Variants in CCDC171 observed in about 807,000 individuals in gnomAD.
CCDC171 encodes coiled-coil domain containing 171.
A neutral mutation model predicts 168.2 loss-of-function variants in CCDC171; 177 were observed. That is an observed-to-expected ratio of 1.05 (90% CI 0.93 to 1.19). The LOEUF (loss-of-function observed/expected upper bound fraction) is 1.19, where lower values mean the gene tolerates loss of function less well. CCDC171 is among the 50% of genes most tolerant of loss of function. CCDC171 has a pLI of 0.00. For missense variants in CCDC171, 1,991 were observed against 1,539.0 expected (o/e 1.29, Z -4.91); for synonymous variants, 687 against 540.8 (o/e 1.27, Z -3.75).
At chr9:16,096,113 G>A in the CCDC171 span, among the ~76,000 whole-genome samples, 19 of 151,994 alleles carry the variant, frequency 1.3e-4, no homozygotes, top group South Asian at 2.7e-3. Context: ...AAATATCAGC[G>A]TGGAATTTAT....
At chr9:15,642,343 G>GTGTGTGTATA (rs1369419679) in intron 7 of CCDC171, among the ~76,000 whole-genome samples, 4 of 107,562 alleles carry the variant, frequency 3.7e-5, no homozygotes, top group Admixed American at 8.4e-5. Flanking sequence ...GTGTGTGTGT[G>GTGTGTGTATA]TATATATATA....
chr9:16,073,238 C>T, the CCDC171 span, among the ~76,000 whole-genome samples: 1 of 152,178 alleles, frequency 6.6e-6, no homozygotes, highest in South Asian at 2.1e-4. Flanking sequence ...ACAGCTTGCA[C>T]AGGAAAGCAT....
intron 3 of CCDC171, among the ~76,000 whole-genome samples, chr9:15,576,506 A>C (rs2040677259): frequency 6.6e-6 from 1 of 152,060 alleles, no homozygotes; most frequent in African/African-American, 2.4e-5. Flanking sequence ...AATTTTAAGT[A>C]ATGTACTTTG....
chr9:15,678,923 G>A (rs574212746), intron 10 of CCDC171, 27 bp downstream of exon 10: 2 of 1,532,594 alleles, frequency 1.3e-6, no homozygotes, highest in South Asian at 1.3e-5. Context: ...AAACCCTATG[G>A]AAATCACTTT....
At chr9:15,952,483 G>T (rs1458731631) in intron 25 of CCDC171, among the ~76,000 whole-genome samples, 1 of 151,910 alleles carries the variant, frequency 6.6e-6, no homozygotes, top group Middle Eastern at 3.2e-3. Flanking sequence ...CTGCAACCTC[G>T]GTCTGCTGGG....
chr9:15,715,444 CAG>C (rs144717963), intron 11 of CCDC171, among the ~76,000 whole-genome samples: 3 of 152,188 alleles, frequency 2.0e-5, no homozygotes, highest in African/African-American at 7.2e-5. Context: ...AAAATGAAAA[CAG>C]AATTTTCTTA....
At chr9:16,005,358 C>A (rs527334242) in intron 3 of CCDC171, among the ~76,000 whole-genome samples, 1 of 152,244 alleles carries the variant, frequency 6.6e-6, no homozygotes, top group African/African-American at 2.4e-5. Context: ...AATAATATTC[C>A]ATTGTATGGA....
chr9:15,921,606 A>G (rs569917952), intron 25 of CCDC171, among the ~76,000 whole-genome samples: 1 of 151,712 alleles, frequency 6.6e-6, no homozygotes, highest in South Asian at 2.1e-4. Context: ...TGCTCAATAA[A>G]TATTTATTGA....
Position 15,592,974 on chromosome 9 carries a change from T to C in CCDC171, c.544-1067T>C, listed in dbSNP as rs2042098512. Among the ~76,000 whole-genome samples, 2 of 152,022 alleles carry C rather than the reference T, an allele frequency of 1.3e-5. 1 individual carries two copies. Among genetic ancestry groups the C allele is most frequent in the Admixed American group, 1.3e-4 (2 of 15,248 alleles). Reference sequence around the variant, plus strand: ...TGCCATGCTGGTGTGCTGCACCCATTAACTTGTCATTTAGCATTAGGTATA... The same window carrying C: ...TGCCATGCTGGTGTGCTGCACCCATCAACTTGTCATTTAGCATTAGGTATA... On this transcript the variant is annotated intron_variant, in intron 5 of 25. Transcript: ENST00000380701.
intron 24 of CCDC171, among the ~76,000 whole-genome samples, chr9:15,892,802 A>G (rs985361930): frequency 9.2e-5 from 14 of 152,204 alleles, no homozygotes; most frequent in Admixed American, 9.2e-4. Flanking sequence ...AAACAAATGG[A>G]AAAATATTCC....
intron 11 of CCDC171, among the ~76,000 whole-genome samples, chr9:15,698,443 C>T (rs966758141): frequency 1.3e-5 from 2 of 150,620 alleles, no homozygotes; most frequent in African/African-American, 4.9e-5. Flanking sequence ...ATGGCATGAA[C>T]CTGGGAGGCG....
chr9:15,802,241 A>C (rs1336101665), intron 21 of CCDC171, among the ~76,000 whole-genome samples: 1 of 151,382 alleles, frequency 6.6e-6, no homozygotes, highest in African/African-American at 2.4e-5. Context: ...TATTTGTAAA[A>C]TTTAATTAAT....
chr9:15,944,005 G>C (rs1828015349), intron 25 of CCDC171, among the ~76,000 whole-genome samples: 1 of 152,012 alleles, frequency 6.6e-6, no homozygotes, highest in Non-Finnish European at 1.5e-5. Context: ...GATGCCACTA[G>C]CCTGTAAGAG....
intron 18 of CCDC171, among the ~76,000 whole-genome samples, chr9:15,766,918 T>A (rs570822856): frequency 6.6e-6 from 1 of 152,320 alleles, no homozygotes; most frequent in African/African-American, 2.4e-5. Context: ...TGCCTTGGCC[T>A]CACAAAGTAC....
rs561263375 is a variant in CCDC171, at chr9:15,818,988, G to A, written c.3268-27714G>A. Reference sequence around the variant, plus strand: ...AAGGGAAGCCCATCAGACTAACAGCGGATCTCTCGGCAGAAACTCTACAAG... The same window carrying A: ...AAGGGAAGCCCATCAGACTAACAGCAGATCTCTCGGCAGAAACTCTACAAG... On this transcript the variant is annotated intron_variant, in intron 21 of 25. Transcript: ENST00000380701. Among the ~76,000 whole-genome samples the A allele has an allele frequency of 4.3e-5, 5 of 117,104 alleles. 1 individual carries two copies. Among genetic ancestry groups the A allele is most frequent in the South Asian group, 2.8e-4 (1 of 3,560 alleles). The allele number at this position is 117,104 out of a possible 152,430, so 76.8% of individuals were successfully genotyped here.
intron 21 of CCDC171, among the ~76,000 whole-genome samples, chr9:15,822,988 T>C (rs2059855989): frequency 6.6e-6 from 1 of 151,954 alleles, no homozygotes; most frequent in African/African-American, 2.4e-5. Flanking sequence ...ATATACACAA[T>C]GGAATACTAT....
rs1310330705 is a variant in CCDC171, at chr9:15,623,473, G to GCACACA, written c.822+61_822+62insACACAC. Reference sequence around the variant, plus strand: ...TACAAACTTTCACATATGCGCGCGCGCGCACACACACACACACACACACAC... The same window carrying GCACACA: ...TACAAACTTTCACATATGCGCGCGCGCACACACGCACACACACACACACACACACAC... On this transcript the variant is annotated intron_variant, in intron 7 of 25. Coordinates refer to ENST00000380701, the MANE Select transcript of CCDC171 (RefSeq NM_173550.4). 2,400 of 463,732 alleles carry GCACACA rather than the reference G, an allele frequency of 5.2e-3. 56 individuals carry two copies. In the African/African-American group the frequency reaches 0.072, roughly 14 times the overall value. 28.7% of individuals were successfully genotyped at this position (463,732 alleles called of 1,614,324 possible).
chr9:15,577,155 A>G (rs2040734637), intron 3 of CCDC171, among the ~76,000 whole-genome samples: 1 of 152,200 alleles, frequency 6.6e-6, no homozygotes. Context: ...CATTTCCCAT[A>G]ATTAGATTTC....
chr9:16,100,338 A>C, the CCDC171 span, among the ~76,000 whole-genome samples: 1 of 152,220 alleles, frequency 6.6e-6, no homozygotes, highest in Non-Finnish European at 1.5e-5. Context: ...AACGCCATGC[A>C]TAAGCCTATC....
Sources: allele counts gnomAD v4.1 joint callset (sites outside exome capture counted in the v4.1 genomes callset), GRCh38; gene constraint gnomAD v4.1.1; transcripts MANE v1.5; gene names NCBI Gene and HGNC (gene_info 2026-07-23, HGNC 2026-07-21).